Variants in CSMD1 observed in about 807,000 individuals in gnomAD.
CSMD1 encodes CUB and sushi domain-containing protein 1.
In CSMD1, 213 loss-of-function variants were observed where a neutral mutation model predicts 417.5. That is an observed-to-expected ratio of 0.51 (90% CI 0.46 to 0.57). The LOEUF (loss-of-function observed/expected upper bound fraction) is 0.57, where lower values mean the gene tolerates loss of function less well. Ranked by LOEUF, CSMD1 falls within the 20% of genes least tolerant of loss-of-function variation. The probability of loss-of-function intolerance (pLI) is 0.00; values close to 1 mark genes in which losing one functional copy is unlikely to be tolerated. For synonymous variants in CSMD1, 2,862 were observed against 1,736.8 expected, an observed-to-expected ratio of 1.65 and a Z score of -16.11; for missense variants, 6,923 against 4,529.7, an observed-to-expected ratio of 1.53 and a Z score of -15.17.
rs181195838 is a variant in CSMD1, at chr8:4,129,491, G to T, written c.416-97392C>A. Among the ~76,000 whole-genome samples, 8 of 152,266 alleles carry T rather than the reference G, an allele frequency of 5.3e-5. No homozygotes were observed. The East Asian group carries it at 1.5e-3, about 29-fold the overall frequency. ...TTGTGAAGTTTTGTATTGTGAAAAA[G>T]TCTAGGAGTAAATGACATTTTGCCA... is the stretch of plus-strand genomic sequence containing the variant. On this transcript the variant is annotated intron_variant, in intron 3 of 69. Transcript: ENST00000635120.
chr8:4,105,475 C>A (rs1233583117), intron 3 of CSMD1, among the ~76,000 whole-genome samples: 1 of 152,156 alleles, frequency 6.6e-6, no homozygotes, highest in Non-Finnish European at 1.5e-5. Context: ...TAATTATATA[C>A]TGAGGAAACT....
At chr8:3,279,691 G>C (rs1008701268) in intron 26 of CSMD1, among the ~76,000 whole-genome samples, 3 of 152,102 alleles carry the variant, frequency 2.0e-5, no homozygotes, top group Non-Finnish European at 4.4e-5. Flanking sequence ...AGCATGGCTG[G>C]GGAGGCCTCA....
chr8:3,848,952 T>C (rs1585086967), intron 5 of CSMD1, among the ~76,000 whole-genome samples: 1 of 151,180 alleles, frequency 6.6e-6, no homozygotes, highest in Non-Finnish European at 1.5e-5. Flanking sequence ...TATATATGTA[T>C]ATACTATTGC....
intron 1 of CSMD1, among the ~76,000 whole-genome samples, chr8:4,740,815 C>T (rs924351203): frequency 1.3e-5 from 2 of 152,160 alleles, no homozygotes; most frequent in Admixed American, 1.3e-4. Context: ...GGATATCCTA[C>T]TGAAGTTTCA....
At position 3,066,156 on chromosome 8, in the gene CSMD1, T is replaced by G. The variant is rs117924132; in HGVS notation, c.7475-13509A>C. 3.8e-3 allele frequency among the ~76,000 whole-genome samples: 581 copies of G among 152,340 alleles called. 3 individuals are homozygous for G. Among genetic ancestry groups the G allele is most frequent in the Non-Finnish European group, 5.6e-3 (384 of 68,034 alleles). ...GTCTGTCCCTGCTTCCAAGGGCTGC[T>G]GGTTCTAGCATCGTGTACAATTCTC... On this transcript the variant is annotated intron_variant, in intron 49 of 69. Transcript: ENST00000635120.
chr8:3,736,330 C>T (rs1796519094), intron 6 of CSMD1, among the ~76,000 whole-genome samples: 1 of 152,052 alleles, frequency 6.6e-6, no homozygotes, highest in African/African-American at 2.4e-5. Context: ...CAGCCTCCAC[C>T]TCCTGGGCTC....
intron 1 of CSMD1, among the ~76,000 whole-genome samples, chr8:4,750,400 T>G (rs1024571327): frequency 1.5e-4 from 23 of 152,304 alleles, no homozygotes; most frequent in African/African-American, 5.3e-4. Context: ...AGATTCAATT[T>G]CCTTAGGATA....
intron 1 of CSMD1, among the ~76,000 whole-genome samples, chr8:4,738,115 C>T (rs954328250): frequency 2.6e-5 from 4 of 152,186 alleles, no homozygotes; most frequent in African/African-American, 9.7e-5. Flanking sequence ...AAGACACACA[C>T]AGTTTTCTGT....
chr8:3,308,054 G>A (rs547380870), intron 24 of CSMD1, among the ~76,000 whole-genome samples: 2 of 30,248 alleles, frequency 6.6e-5, no homozygotes, highest in South Asian at 5.7e-4. Context: ...AGACACTCAT[G>A]TGATAATTCT....
At chr8:3,799,692 G>A (rs976185681) in intron 5 of CSMD1, among the ~76,000 whole-genome samples, 3 of 151,362 alleles carry the variant, frequency 2.0e-5, no homozygotes, top group African/African-American at 7.3e-5. Flanking sequence ...TTATCTGACA[G>A]TTAAGTCTGC....
At chr8:4,357,004 C>A (rs145421397) in intron 3 of CSMD1, among the ~76,000 whole-genome samples, 1 of 152,100 alleles carries the variant, frequency 6.6e-6, no homozygotes, top group Non-Finnish European at 1.5e-5. Flanking sequence ...TGAAGATAAA[C>A]GAATTTCAAT....
chr8:4,934,982 A>G (rs36053043), intron 1 of CSMD1, among the ~76,000 whole-genome samples: 76,406 of 152,060 alleles, frequency 0.5, 21,160 homozygotes, highest in East Asian at 0.88. Flanking sequence ...TCTATCAATC[A>G]TCTGTCTATA....
At chr8:4,985,004 G>T (rs528506478) in intron 1 of CSMD1, among the ~76,000 whole-genome samples, 1 of 152,152 alleles carries the variant, frequency 6.6e-6, no homozygotes, top group Non-Finnish European at 1.5e-5. Flanking sequence ...TTAAAAATGT[G>T]ATGTAGCCAT....
intron 23 of CSMD1, among the ~76,000 whole-genome samples, chr8:3,322,638 C>T (rs930681666): frequency 5.9e-5 from 9 of 152,212 alleles, no homozygotes; most frequent in Admixed American, 3.9e-4. Flanking sequence ...GTTGTAGGGA[C>T]GCCCCTGGTC....
At chr8:3,185,998 A>G (rs1355009373) in intron 36 of CSMD1, among the ~76,000 whole-genome samples, 2 of 151,738 alleles carry the variant, frequency 1.3e-5, no homozygotes, top group East Asian at 3.9e-4. Flanking sequence ...AGATATTTTA[A>G]TTTATTTTTC....
At chr8:4,583,094 C>A (rs1035868074) in intron 2 of CSMD1, among the ~76,000 whole-genome samples, 13 of 152,190 alleles carry the variant, frequency 8.5e-5, no homozygotes, top group Non-Finnish European at 1.8e-4. Context: ...TGCAGCCCGC[C>A]GTGCCTGAGC....
At chr8:4,904,960 G>A (rs1013093862) in intron 1 of CSMD1, among the ~76,000 whole-genome samples, 8 of 152,078 alleles carry the variant, frequency 5.3e-5, no homozygotes, top group African/African-American at 1.7e-4. Context: ...GGACCATGCC[G>A]CCGCTTCAAC....
At chr8:3,605,592 A>T (rs1198752763) in intron 8 of CSMD1, among the ~76,000 whole-genome samples, 1 of 152,152 alleles carries the variant, frequency 6.6e-6, no homozygotes, top group Non-Finnish European at 1.5e-5. Flanking sequence ...TTTTTCCTTA[A>T]TGTACTTCAG....
chr8:4,950,726 C>T (rs965355617), intron 1 of CSMD1, among the ~76,000 whole-genome samples: 5 of 152,092 alleles, frequency 3.3e-5, no homozygotes, highest in African/African-American at 9.7e-5. Context: ...TCATTGAATA[C>T]CACGCACTTT....
Sources: allele counts gnomAD v4.1 joint callset (sites outside exome capture counted in the v4.1 genomes callset), GRCh38; gene constraint gnomAD v4.1.1; transcripts MANE v1.5; gene names NCBI Gene and HGNC (gene_info 2026-07-23, HGNC 2026-07-21).